Variants in HERC5 observed in about 807,000 individuals in gnomAD.
HERC5 encodes the protein HECT and RLD domain containing E3 ubiquitin protein ligase 5, also known as E3 ISG15--protein ligase HERC5.
Under a neutral mutation model 119.6 loss-of-function variants are expected in HERC5, and 99 were observed. The ratio of observed to expected loss-of-function variants is 0.83; its 90% CI spans 0.70 to 0.98. The LOEUF (loss-of-function observed/expected upper bound fraction) is 0.98, where lower values mean the gene tolerates loss of function less well. Ranked by LOEUF, HERC5 falls within the 50% of genes least tolerant of loss-of-function variation. The pLI, the probability that HERC5 is intolerant of heterozygous loss-of-function variation, is 0.00. For synonymous variants in HERC5, 478 were observed against 445.9 expected (o/e 1.07, Z -0.91); for missense variants, 1,267 against 1,241.3 (o/e 1.02, Z -0.31).
At chr4:88,463,408 G>T in intron 4 of HERC5, 124 bp from the exon 5 acceptor site, 1 of 642,210 alleles carries the variant, frequency 1.6e-6, no homozygotes, top group Middle Eastern at 2.6e-4. Flanking sequence ...GCAACATAGA[G>T]CCTTTCTTGT....
intron 17 of HERC5, 65 bp from the exon 18 acceptor site, chr4:88,494,100 A>G: frequency 1.0e-6 from 1 of 956,384 alleles, no homozygotes; most frequent in Non-Finnish European, 1.5e-6. Flanking sequence ...GATTTATTTA[A>G]TATAAATATT....
chr4:88,476,055 T>G (rs370900197), intron 12 of HERC5, 25 bp downstream of exon 12: 2 of 1,569,830 alleles, frequency 1.3e-6, no homozygotes, highest in Non-Finnish European at 1.7e-6. Context: ...TTGAAGATAC[T>G]TTACCTGTCT....
chr4:88,499,975 T>G lies in HERC5; in HGVS notation c.2494T>G (p.Phe832Val). 6.2e-7 allele frequency: 1 copy of G among 1,601,662 alleles called. No individual in the cohort carries two copies. The change falls in exon 19 of 23, where the codon TTT (phenylalanine) becomes GTT (valine). Residue 832 changes from phenylalanine (F) to valine (V), a missense_variant. This residue lies in a region of HERC5 where 473 missense variants were observed against 445.7 expected (regional missense o/e 1.06). Transcript: ENST00000264350. ...DDEGDNFEEVFYIHFNVHWDR... is the reference protein window; with the variant it reads ...DDEGDNFEEVVYIHFNVHWDR... ...TGAAGGTGATAACTTTGAGGAAGTA[T>G]TTTACATCCATTTTAATGTGAGTAA...
chr4:88,477,458 G>T (rs1481455375), intron 12 of HERC5, among the ~76,000 whole-genome samples: 1 of 94,038 alleles, frequency 1.1e-5, no homozygotes, highest in Non-Finnish European at 2.2e-5. Context: ...GAAGGTGAAG[G>T]GAAGGGAACG....
At chr4:88,475,016 T>G (rs1741008065) in intron 11 of HERC5, among the ~76,000 whole-genome samples, 1 of 152,062 alleles carries the variant, frequency 6.6e-6, no homozygotes, top group Admixed American at 6.6e-5. Flanking sequence ...TATAAGGAAA[T>G]TGGAGGGGCT....
intron 1 of HERC5, chr4:88,458,101 T>A (rs1283818411): frequency 1.0e-6 from 1 of 983,922 alleles, no homozygotes; most frequent in East Asian, 1.1e-4. Flanking sequence ...TGCGTTCCTT[T>A]TTCGGTAAAT....
Position 88,463,858 on chromosome 4 carries a change from G to A in HERC5, c.784G>A (p.Gly262Arg), listed in dbSNP as rs1274476829. 1.9e-6 allele frequency: 3 copies of A among 1,613,484 alleles called. No individual in the cohort carries two copies. In the Admixed American group the frequency reaches 5.0e-5, roughly 27 times the overall value. Residue 262 changes from glycine (G) to arginine (R), a missense_variant, in exon 6 of 23, where the codon GGG (glycine) becomes AGG (arginine). Gly to Arg is a moderately radical substitution (Grantham distance 125). Coordinates refer to ENST00000264350, the MANE Select transcript of HERC5 (RefSeq NM_016323.4). ...GSHSALLTQD[G>R]LLFTFGAGKH... ...ATATGACATTCCCTTTCCTTAGGAT[G>A]GGCTGCTGTTTACTTTCGGTGCTGG...
At position 88,462,118 on chromosome 4, in the gene HERC5, G is replaced by A; in HGVS notation, c.467-17G>A. ...TTTTAAATGGAATAAAACAGCATTT[G>A]CTTTGTTTATGTCAAGGTGGTGAGC... On this transcript the variant is annotated splice_polypyrimidine_tract_variant and intron_variant, in intron 3 of 22. Coordinates refer to ENST00000264350, the MANE Select transcript of HERC5 (RefSeq NM_016323.4). 1 of 1,605,710 alleles carries A rather than the reference G, an allele frequency of 6.2e-7. No homozygotes were observed. Among genetic ancestry groups the A allele is most frequent in the African/African-American group, 1.3e-5 (1 of 74,876 alleles).
At chr4:88,499,808 G>T (rs771818919) in intron 18 of HERC5, 118 bp from the exon 19 acceptor site, 1 of 661,412 alleles carries the variant, frequency 1.5e-6, no homozygotes, top group Admixed American at 2.5e-5. Context: ...AAGAGGTGCT[G>T]TGAACTATAC....
rs374092530 is a variant in HERC5 at position 88,463,905 on chromosome 4, T to C, written c.831T>C (p.His277=). ...FGAGKHGQLG[H]NSTQNELRPC... ...CTGGAAAACATGGGCAACTTGGTCA[T>C]AATTCAACACAGAATGAGCTAAGAC... Residue 277 remains histidine (H), a synonymous_variant, in exon 6 of 23, where the codon CAT becomes CAC. Coordinates refer to ENST00000264350, the MANE Select transcript of HERC5 (RefSeq NM_016323.4). 1 of 1,614,104 alleles carries C rather than the reference T, an allele frequency of 6.2e-7. No individual in the cohort carries two copies. The highest frequency in any genetic ancestry group is 8.5e-7 in the Non-Finnish European group (1 of 1,180,010).
At chr4:88,499,289 A>T (rs1369110301) in intron 18 of HERC5, among the ~76,000 whole-genome samples, 2 of 152,210 alleles carry the variant, frequency 1.3e-5, no homozygotes, top group Non-Finnish European at 2.9e-5. Context: ...AATGTTTGTT[A>T]AATAAATATT....
intron 1 of HERC5, chr4:88,457,959 G>T (rs952802191): frequency 2.0e-6 from 2 of 996,584 alleles, no homozygotes; most frequent in Non-Finnish European, 1.2e-6. Flanking sequence ...TTGGCCTTCA[G>T]TTGCACTTCT....
Position 88,486,173 on chromosome 4 carries a change from A to G in HERC5, c.1796A>G (p.His599Arg). The change falls in exon 14 of 23, where the codon CAC becomes CGC. Residue 599 changes from histidine to arginine, a missense_variant. Transcript: ENST00000264350. ...ATTTTCCAAGTAGACGAACTCTTGCACCGTCTCAATTTTTTTGTAGAAGTA... is the reference window on the plus strand; with the variant it reads ...ATTTTCCAAGTAGACGAACTCTTGCGCCGTCTCAATTTTTTTGTAGAAGTA... ...ESIFQVDELLHRLNFFVEVCR... is the reference protein window; with the variant it reads ...ESIFQVDELLRRLNFFVEVCR... The G allele has an allele frequency of 1.2e-6, 2 of 1,612,950 alleles. No individual in the cohort carries two copies. The highest frequency in any genetic ancestry group is 1.1e-5 in the South Asian group (1 of 90,930).
intron 10 of HERC5, among the ~76,000 whole-genome samples, chr4:88,471,371 C>A (rs940975970): frequency 6.6e-6 from 1 of 151,866 alleles, no homozygotes; most frequent in African/African-American, 2.4e-5. Flanking sequence ...CAAGGTCTCA[C>A]TCCATCACCC....
intron 18 of HERC5, among the ~76,000 whole-genome samples, chr4:88,494,876 A>G (rs1331455016): frequency 7.2e-5 from 11 of 152,246 alleles, no homozygotes; most frequent in Admixed American, 3.3e-4. Flanking sequence ...TAGAATGCAT[A>G]TTAACGTGAG....
intron 12 of HERC5, among the ~76,000 whole-genome samples, chr4:88,476,287 T>G (rs927312740): frequency 2.0e-5 from 3 of 152,328 alleles, no homozygotes; most frequent in African/African-American, 7.2e-5. Context: ...ATGAAAAATT[T>G]CACAGAGAAG....
At chr4:88,477,404 GAGGGGA>G (rs1190757305) in intron 12 of HERC5, among the ~76,000 whole-genome samples, 136 of 71,664 alleles carry the variant, frequency 1.9e-3, no homozygotes, top group Non-Finnish European at 3.2e-3. Flanking sequence ...AAGGAAAGGG[GAGGGGA>G]AGGGGAAGGT....
At chr4:88,461,944 G>T (rs1740457026) in intron 3 of HERC5, among the ~76,000 whole-genome samples, 191 bp from the exon 4 acceptor site, 1 of 152,116 alleles carries the variant, frequency 6.6e-6, no homozygotes, top group African/African-American at 2.4e-5. Flanking sequence ...GAGGGATAAG[G>T]AAGTGTAACT....
intron 3 of HERC5, among the ~76,000 whole-genome samples, chr4:88,461,567 CTA>C (rs1388326258): frequency 6.6e-6 from 1 of 152,106 alleles, no homozygotes; most frequent in Non-Finnish European, 1.5e-5. Flanking sequence ...TTTTTAGACT[CTA>C]TTAGATATTG....
Sources: gnomAD v4.1 joint callset for allele counts (sites outside exome capture counted in the v4.1 genomes callset) on GRCh38, gnomAD v4.1.1 for gene constraint, gnomAD v4.1.1 regional missense constraint, MANE v1.5 for transcripts, NCBI Gene and HGNC (gene_info 2026-07-23, HGNC 2026-07-21) for gene names.